CSMD2: variants seen among roughly 807,000 people sequenced by gnomAD.
The protein encoded by CSMD2 is CUB and sushi domain-containing protein 2.
Under a neutral mutation model 398.5 loss-of-function variants are expected in CSMD2, and 130 were observed. That is an observed-to-expected ratio of 0.33 (90% CI 0.28 to 0.38). The LOEUF is 0.38. Among genes scored for constraint, CSMD2 ranks in the 10% least tolerant of loss-of-function variants. The probability of loss-of-function intolerance (pLI) is 1.00; values close to 1 mark genes in which losing one functional copy is unlikely to be tolerated. For synonymous variants in CSMD2, 1,828 were observed against 1,908.5 expected, an observed-to-expected ratio of 0.96 and a Z score of 1.10; for missense variants, 3,829 against 4,764.9, an observed-to-expected ratio of 0.80 and a Z score of 5.78.
At chr1:33,760,241 C>A (rs751494236) in intron 13 of CSMD2, among the ~76,000 whole-genome samples, 1 of 152,206 alleles carries the variant, frequency 6.6e-6, no homozygotes, top group South Asian at 2.1e-4. Context: ...GCCTTTAGGC[C>A]CTCTTCATTG....
rs1360104347 is a variant in CSMD2, at chr1:33,559,627, AT to A, written c.8381-155del. Among the ~76,000 whole-genome samples the A allele has an allele frequency of 1.3e-5, 2 of 152,048 alleles. No individual in the cohort carries two copies. The highest frequency in any genetic ancestry group is 2.9e-5 in the Non-Finnish European group (2 of 68,020). ...TGCTGTAAAACCTTTATAAACTGAA[AT>A]TGTCAGGGGAACATTCTGTCTGCCT... is the stretch of plus-strand genomic sequence containing the variant. On this transcript the variant is annotated intron_variant, in intron 53 of 70. Coordinates refer to ENST00000373381, the MANE Select transcript of CSMD2 (RefSeq NM_001281956.2). The surrounding 1 kb of genome is among the most constrained non-coding windows in gnomAD (Gnocchi z 4.0).
intron 15 of CSMD2, among the ~76,000 whole-genome samples, chr1:33,732,259 A>G (rs1646744205): frequency 1.3e-5 from 2 of 152,206 alleles, no homozygotes; most frequent in Non-Finnish European, 2.9e-5. Context: ...TAGATGTTCA[A>G]TATTTGTTGA....
At chr1:33,878,091 T>G (rs16836036) in intron 5 of CSMD2, 8,424 of 152,152 alleles carry the variant, frequency 0.055, 355 homozygotes, top group African/African-American at 0.11. Flanking sequence ...AGAAGGGGAA[T>G]AGACCATGTA....
intron 13 of CSMD2, among the ~76,000 whole-genome samples, chr1:33,762,584 TCA>T (rs1649964987): frequency 6.6e-6 from 1 of 152,202 alleles, no homozygotes; most frequent in African/African-American, 2.4e-5. Context: ...TAAACTGTGT[TCA>T]CAGTTTGGTT....
intron 26 of CSMD2, among the ~76,000 whole-genome samples, chr1:33,660,996 G>T (rs1644111247): frequency 1.3e-5 from 2 of 152,184 alleles, no homozygotes; most frequent in South Asian, 4.1e-4. Flanking sequence ...TGAATGGGGA[G>T]ATTAGGAGGC....
intron 1 of CSMD2, among the ~76,000 whole-genome samples, chr1:34,126,804 G>GAT (rs3044852): frequency 2.9e-3 from 9 of 3,076 alleles, no homozygotes; most frequent in East Asian, 0.045. Flanking sequence ...GAGAGACATA[G>GAT]GGGAGAGAGA....
intron 5 of CSMD2, among the ~76,000 whole-genome samples, chr1:33,858,421 A>G (rs1639251799): frequency 1.3e-5 from 2 of 152,090 alleles, no homozygotes; most frequent in Non-Finnish European, 2.9e-5. Context: ...TTCCTAGACT[A>G]CCAGTAGAGG....
intron 4 of CSMD2, among the ~76,000 whole-genome samples, 156 bp downstream of exon 4, chr1:33,935,604 T>C (rs1209536091): frequency 6.6e-6 from 1 of 152,130 alleles, no homozygotes; most frequent in Non-Finnish European, 1.5e-5. Context: ...CCTAGAACAC[T>C]TGAGGACCCT....
chr1:33,522,582 C>T (rs992180485), intron 67 of CSMD2, among the ~76,000 whole-genome samples: 3 of 152,232 alleles, frequency 2.0e-5, no homozygotes, highest in African/African-American at 7.2e-5. Context: ...AACTATGCCA[C>T]AGTCCTCCAC....
intron 3 of CSMD2, among the ~76,000 whole-genome samples, chr1:33,990,374 G>A (rs977296258): frequency 1.3e-5 from 2 of 152,182 alleles, no homozygotes; most frequent in Non-Finnish European, 2.9e-5. Flanking sequence ...TGGGCTGTGA[G>A]CTCACTCCTG....
intron 29 of CSMD2, among the ~76,000 whole-genome samples, chr1:33,640,903 C>A (rs1643067813): frequency 6.6e-6 from 1 of 152,052 alleles, no homozygotes. Flanking sequence ...GCTTCCAGGC[C>A]CACAGTGTTA....
At chr1:33,556,109 A>G (rs902350641) in intron 55 of CSMD2, among the ~76,000 whole-genome samples, 13 of 152,184 alleles carry the variant, frequency 8.5e-5, no homozygotes, top group African/African-American at 3.1e-4. Context: ...TGACTGAATT[A>G]ACTTTAGAGA....
intron 1 of CSMD2, among the ~76,000 whole-genome samples, chr1:34,123,581 G>T (rs898663478): frequency 3.3e-5 from 5 of 152,098 alleles, no homozygotes; most frequent in African/African-American, 1.2e-4. Flanking sequence ...CTGGAGGTTT[G>T]GACATGTGAC....
intron 3 of CSMD2, among the ~76,000 whole-genome samples, chr1:34,000,649 A>C (rs1049944969): frequency 3.3e-5 from 5 of 152,202 alleles, no homozygotes; most frequent in African/African-American, 1.2e-4. Context: ...TAGAAATTAC[A>C]AAATAAACAA....
chr1:33,935,013 T>TAAAAAAAAAAAAAAAAA (rs537683892), intron 4 of CSMD2, among the ~76,000 whole-genome samples: 13 of 42,086 alleles, frequency 3.1e-4, no homozygotes, highest in African/African-American at 4.5e-4. Context: ...CAAATAAAAT[T>TAAAAAAAAAAAAAAAAA]AAAAAAAAAA....
At chr1:33,926,121 T>C (rs1644119723) in intron 4 of CSMD2, among the ~76,000 whole-genome samples, 1 of 152,172 alleles carries the variant, frequency 6.6e-6, no homozygotes, top group Non-Finnish European at 1.5e-5. Flanking sequence ...GATAGCAAAC[T>C]CCATGAGAAC....
chr1:34,029,189 CCTGT>C (rs1285375524), intron 3 of CSMD2, among the ~76,000 whole-genome samples: 1 of 152,170 alleles, frequency 6.6e-6, no homozygotes, highest in Non-Finnish European at 1.5e-5. Context: ...TTCTTTGAAG[CCTGT>C]CTGTCATTCT....
At position 33,739,208 on chromosome 1, in the gene CSMD2, G is replaced by A; in HGVS notation, c.2300C>T (p.Ser767Leu). 1.2e-6 allele frequency: 2 copies of A among 1,614,194 alleles called. No individual in the cohort carries two copies. The highest frequency in any genetic ancestry group is 1.1e-5 in the South Asian group (1 of 91,086). ...CDEGFLGTQG[S>L]ETITCVLKEG... is the part of the protein sequence containing the mutation. ...CTTCAGGACGCAGGTGATGGTCTCTGAGCCCTGAGTCCCAAGGAAGCCTTC... is the reference window on the plus strand; with the variant it reads ...CTTCAGGACGCAGGTGATGGTCTCTAAGCCCTGAGTCCCAAGGAAGCCTTC... The change falls in exon 15 of 71, where the codon TCA (serine) becomes TTA (leucine). Residue 767 changes from serine to leucine, a missense_variant. Ser to Leu is a moderately radical substitution (Grantham distance 145). This residue lies in a region of CSMD2 where 2,001 missense variants were observed against 2,567.1 expected (regional missense o/e 0.78). Transcript: ENST00000373381.
At chr1:33,819,877 C>T in intron 8 of CSMD2, 40 bp from the exon 9 acceptor site, 1 of 1,610,138 alleles carries the variant, frequency 6.2e-7, no homozygotes, top group Non-Finnish European at 8.5e-7. Flanking sequence ...ATCCCTGGGC[C>T]TGCCAAGCCC....
Sources: allele counts gnomAD v4.1 joint callset (sites outside exome capture counted in the v4.1 genomes callset), GRCh38; gene constraint gnomAD v4.1.1; regional missense constraint gnomAD v4.1.1; non-coding constraint Gnocchi (gnomAD v3.1); transcripts MANE v1.5; gene names NCBI Gene and HGNC (gene_info 2026-07-23, HGNC 2026-07-21).